The following FSD1 variants were observed in gnomAD, a reference collection of about 807,000 sequenced individuals.
FSD1 encodes fibronectin type III and SPRY domain-containing protein 1.
FSD1 carries 23 observed loss-of-function variants against 58.2 expected under a neutral mutation model. The ratio of observed to expected loss-of-function variants is 0.40; its 90% CI spans 0.28 to 0.56. The LOEUF (loss-of-function observed/expected upper bound fraction) is 0.56, where lower values mean the gene tolerates loss of function less well. FSD1 is among the 20% of genes least tolerant of loss of function. The pLI, the probability that FSD1 is intolerant of heterozygous loss-of-function variation, is 0.54. For synonymous variants in FSD1, 265 were observed against 263.4 expected, an observed-to-expected ratio of 1.01 and a Z score of -0.06; for missense variants, 563 against 670.8, an observed-to-expected ratio of 0.84 and a Z score of 1.78.
intron 6 of FSD1, chr19:4,311,407 C>T (rs576285275): frequency 2.2e-5 from 4 of 181,234 alleles, no homozygotes; most frequent in Middle Eastern, 2.7e-3. Flanking sequence ...CATGGCCGGG[C>T]GCGGTGACTC....
intron 7 of FSD1, 79 bp from the exon 8 acceptor site, chr19:4,317,103 G>A: frequency 1.2e-6 from 1 of 834,296 alleles, no homozygotes; most frequent in African/African-American, 1.7e-5. Context: ...GAATCACTGT[G>A]GGACATGACA....
chr19:4,310,738 C>T (rs1971680410), intron 6 of FSD1, 142 bp downstream of exon 6: 14 of 955,096 alleles, frequency 1.5e-5, no homozygotes, highest in South Asian at 9.8e-5. Context: ...GAGAATTCCA[C>T]GCCCTGTGGG....
At chr19:4,308,798 C>G (rs1243056870) in intron 4 of FSD1, among the ~76,000 whole-genome samples, 1 of 151,592 alleles carries the variant, frequency 6.6e-6, no homozygotes, top group African/African-American at 2.4e-5. Flanking sequence ...GCGGAGCTTG[C>G]AGTGAGCCAA....
At chr19:4,311,612 A>T in intron 6 of FSD1, 1 of 489,934 alleles carries the variant, frequency 2.0e-6, no homozygotes, top group South Asian at 2.1e-5. Flanking sequence ...TGAACCAGGG[A>T]GTCGGAGGTT....
At chr19:4,304,895 G>T in intron 1 of FSD1, 134 bp downstream of exon 1, 1 of 398,412 alleles carries the variant, frequency 2.5e-6, no homozygotes, top group Middle Eastern at 6.8e-4. Flanking sequence ...CACCCCATTC[G>T]CGACCCCGCC....
intron 6 of FSD1, 54 bp from the exon 7 acceptor site, chr19:4,311,788 G>C (rs1971694604): frequency 1.6e-5 from 25 of 1,556,374 alleles, no homozygotes; most frequent in Non-Finnish European, 2.2e-5. Flanking sequence ...CAAGCCCCCT[G>C]CCCCCTGAAC....
At chr19:4,306,506 C>T (rs989034504) in intron 3 of FSD1, among the ~76,000 whole-genome samples, 177 bp downstream of exon 3, 3 of 151,744 alleles carry the variant, frequency 2.0e-5, no homozygotes, top group Non-Finnish European at 4.4e-5. Flanking sequence ...CTCGCTCTGT[C>T]GCCCAGGCTG....
intron 7 of FSD1, 54 bp from the exon 8 acceptor site, chr19:4,317,128 C>G: frequency 2.0e-6 from 2 of 994,748 alleles, no homozygotes; most frequent in South Asian, 2.6e-5. Context: ...TAACCCATGA[C>G]TCAGAGTCTC....
At chr19:4,311,781 GCC>G in intron 6 of FSD1, 59 bp from the exon 7 acceptor site, 1 of 1,511,900 alleles carries the variant, frequency 6.6e-7, no homozygotes, top group South Asian at 1.1e-5. Context: ...CCTGCAGCAA[GCC>G]CCCTGCCCCC....
At chr19:4,317,784 T>A (rs1394478198) in intron 8 of FSD1, among the ~76,000 whole-genome samples, 2 of 152,180 alleles carry the variant, frequency 1.3e-5, no homozygotes, top group Non-Finnish European at 2.9e-5. Context: ...TCTGGGAGGC[T>A]GAGGCGGGCG....
intron 4 of FSD1, among the ~76,000 whole-genome samples, 181 bp from the exon 5 acceptor site, chr19:4,310,092 G>A (rs999041532): frequency 2.6e-5 from 4 of 151,996 alleles, no homozygotes; most frequent in Non-Finnish European, 4.4e-5. Context: ...GCCGGGTGTG[G>A]TGGTGGGTGC....
In FSD1 at chr19:4,323,762, G is replaced by A; in HGVS notation, c.*119G>A. 1.4e-6 allele frequency: 1 copy of A among 712,716 alleles called. No homozygotes were observed. The highest frequency in any genetic ancestry group is 2.3e-6 in the Non-Finnish European group (1 of 430,954). 44.1% of individuals were successfully genotyped at this position (712,716 alleles called of 1,614,324 possible). ...CTTGGAGCCTTAACTCCAGATGGGG[G>A]GGTCACCAAGAGGGAGTGGGCACCC... On this transcript the variant is annotated 3_prime_UTR_variant, in exon 13 of 13. Transcript: ENST00000221856. The surrounding 1 kb of genome is among the most constrained non-coding windows in gnomAD (Gnocchi z 7.7).
Position 4,323,343 on chromosome 19 carries a change from C to T in FSD1, c.1292-5C>T. On this transcript the variant is annotated splice_polypyrimidine_tract_variant and splice_region_variant and intron_variant, in intron 11 of 12. Coordinates refer to ENST00000221856, the MANE Select transcript of FSD1 (RefSeq NM_024333.3). The surrounding 1 kb of genome is among the most constrained non-coding windows in gnomAD (Gnocchi z 7.7). ...TCCCACTGTCACTCTGCCCCCCGAC[C>T]CCAGGCCTCCTGTCCTTCTACAATG... 1.2e-6 allele frequency: 2 copies of T among 1,613,490 alleles called. No individual in the cohort carries two copies. Among genetic ancestry groups the T allele is most frequent in the Admixed American group, 1.7e-5 (1 of 59,976 alleles).
rs1023071194 is a variant in FSD1, at chr19:4,305,813, T to C, written c.16-133T>C. 1.7e-5 allele frequency: 12 copies of C among 697,770 alleles called. No homozygotes were observed. The African/African-American group carries it at 1.9e-4, about 11-fold the overall frequency. The allele number at this position is 697,770 out of a possible 1,614,324, so 43.2% of individuals were successfully genotyped here. On this transcript the variant is annotated intron_variant, in intron 1 of 12. Transcript: ENST00000221856. ...GTGTGTGCGCATGTGTGTGCATGTGTGTGCGCACGCGTGTGCATTTATGTA... is the reference window on the plus strand; with the variant it reads ...GTGTGTGCGCATGTGTGTGCATGTGCGTGCGCACGCGTGTGCATTTATGTA...
In FSD1 at chr19:4,323,357, C is replaced by G; in HGVS notation, c.1301C>G (p.Ser434Cys). The change falls in exon 12 of 13, where the codon TCC (serine) becomes TGC (cysteine). Residue 434 changes from serine (S) to cysteine (C), a missense_variant. Coordinates refer to ENST00000221856, the MANE Select transcript of FSD1 (RefSeq NM_024333.3). The surrounding 1 kb of genome is among the most constrained non-coding windows in gnomAD (Gnocchi z 7.7). ...VHCDFHQGLL[S>C]FYNARTKQVL... ...TGCCCCCCGACCCCAGGCCTCCTGTCCTTCTACAATGCCCGCACCAAACAA... is the reference window on the plus strand; with the variant it reads ...TGCCCCCCGACCCCAGGCCTCCTGTGCTTCTACAATGCCCGCACCAAACAA... 6.2e-7 allele frequency: 1 copy of G among 1,613,736 alleles called. No individual in the cohort carries two copies. Among genetic ancestry groups the G allele is most frequent in the Non-Finnish European group, 8.5e-7 (1 of 1,179,790 alleles).
intron 10 of FSD1, 111 bp downstream of exon 10, chr19:4,319,062 A>G: frequency 2.5e-6 from 2 of 795,714 alleles, no homozygotes; most frequent in South Asian, 2.9e-5. Context: ...CCATCAGCAA[A>G]GCTGCTCCCG....
chr19:4,312,386 G>T (rs990584183), intron 7 of FSD1, among the ~76,000 whole-genome samples: 1 of 152,140 alleles, frequency 6.6e-6, no homozygotes, highest in Non-Finnish European at 1.5e-5. Context: ...AGCTACTCAG[G>T]AGGCTAAGGC....
chr19:4,307,607 G>A (rs1971636380), intron 3 of FSD1, among the ~76,000 whole-genome samples: 1 of 152,096 alleles, frequency 6.6e-6, no homozygotes, highest in South Asian at 2.1e-4. Flanking sequence ...GACCTCAGGT[G>A]ATCCTCCCGC....
rs542792436 is a variant in FSD1 at position 4,323,186 on chromosome 19, C to T, written c.1240C>T (p.Leu414=). The T allele has an allele frequency of 4.4e-6, 7 of 1,604,828 alleles. No homozygotes were observed. The African/African-American group carries it at 9.3e-5, about 21-fold the overall frequency. Residue 414 remains leucine, a synonymous_variant, in exon 11 of 13, where the codon CTG becomes TTG. Coordinates refer to ENST00000221856, the MANE Select transcript of FSD1 (RefSeq NM_024333.3). This position sits in a 1 kb window ranked among gnomAD's most constrained non-coding sequence, Gnocchi z 7.7. The part of the protein sequence containing the change: ...TAKHANKVKV[L]DAPVPDCLGV... ...CAAGCACGCCAACAAGGTCAAGGTG[C>T]TGGACGCCCCCGTGCCCGACTGCCT...
Sources: gnomAD v4.1 joint callset for allele counts (sites outside exome capture counted in the v4.1 genomes callset) on GRCh38, gnomAD v4.1.1 for gene constraint, Gnocchi (gnomAD v3.1) non-coding constraint, MANE v1.5 for transcripts, NCBI Gene and HGNC (gene_info 2026-07-23, HGNC 2026-07-21) for gene names.